The following NACAD variants were observed in gnomAD, a reference collection of about 807,000 sequenced individuals.
NACAD encodes the protein NAC-alpha domain-containing protein 1.
NACAD carries 47 observed loss-of-function variants against 98.9 expected under a neutral mutation model. That is an observed-to-expected ratio of 0.48 (90% CI 0.38 to 0.61). The LOEUF (loss-of-function observed/expected upper bound fraction) is 0.61, where lower values mean the gene tolerates loss of function less well. NACAD is among the 20% of genes least tolerant of loss of function. The pLI is 0.00. For synonymous variants in NACAD, 696 were observed against 767.2 expected, an observed-to-expected ratio of 0.91 and a Z score of 1.53; for missense variants, 1,412 against 1,748.2, an observed-to-expected ratio of 0.81 and a Z score of 3.43.
chr7:45,082,920 A>G lies in NACAD; in HGVS notation c.3260T>C (p.Leu1087Pro). ...TGACCTGGGTCCATGTTCCTGTGCC[A>G]GTGGCTTCAGGCCTCCTTCCTGCTG... is the stretch of plus-strand genomic sequence containing the variant. ...ENQQEGGLKP[L>P]AQEHGPRSAL... Residue 1087 changes from leucine (L) to proline (P), a missense_variant, in exon 2 of 8, where the codon CTG becomes CCG. Physicochemically the swap from Leu to Pro is moderately conservative, Grantham distance 98. Transcript: ENST00000490531. The surrounding 1 kb of genome is among the most constrained non-coding windows in gnomAD (Gnocchi z 4.5). 6.4e-7 allele frequency: 1 copy of G among 1,551,090 alleles called. No individual in the cohort carries two copies. The highest frequency in any genetic ancestry group is 1.2e-5 in the South Asian group (1 of 84,062).
In NACAD at chr7:45,088,132, C is replaced by T. The variant is rs1784549251; in HGVS notation, c.67+696G>A. ...TTGGCCCTACCCACACATGGCTGAC[C>T]TCCACGCCAGGACTGTCCAGGCTCG... On this transcript the variant is annotated intron_variant, in intron 1 of 7. Coordinates refer to ENST00000490531, the MANE Select transcript of NACAD (RefSeq NM_001146334.2). This position sits in a 1 kb window ranked among gnomAD's most constrained non-coding sequence, Gnocchi z 5.7. Among the ~76,000 whole-genome samples the T allele has an allele frequency of 6.6e-6, 1 of 152,188 alleles. No individual in the cohort carries two copies. Among genetic ancestry groups the T allele is most frequent in the Non-Finnish European group, 1.5e-5 (1 of 68,018 alleles).
Position 45,085,595 on chromosome 7 carries a change from C to T in NACAD, c.585G>A (p.Gly195=), listed in dbSNP as rs1784508359. The T allele has an allele frequency of 1.3e-6, 2 of 1,549,766 alleles. No homozygotes were observed. The highest frequency in any genetic ancestry group is 2.0e-5 in the Admixed American group (1 of 50,878). ...YALLPACGPH[G]DARDSEAELR... ...GCTCAGCCTCTGAGTCCCTGGCGTC[C>T]CCGTGGGGCCCACAGGCAGGAAGCA... The change falls in exon 2 of 8, where the codon GGG becomes GGA. Residue 195 remains glycine (G), a synonymous_variant. Coordinates refer to ENST00000490531, the MANE Select transcript of NACAD (RefSeq NM_001146334.2). This position sits in a 1 kb window ranked among gnomAD's most constrained non-coding sequence, Gnocchi z 6.1.
Position 45,088,848 on chromosome 7 carries a change from T to G in NACAD, c.47A>C (p.Asp16Ala). 6.7e-7 allele frequency: 1 copy of G among 1,491,650 alleles called. No individual in the cohort carries two copies. Among genetic ancestry groups the G allele is most frequent in the South Asian group, 1.2e-5 (1 of 80,078 alleles). The allele number at this position is 1,491,650 out of a possible 1,614,324, so 92.4% of individuals were successfully genotyped here. Residue 16 changes from aspartate (D) to alanine (A), a missense_variant, in exon 1 of 8, where the codon GAC (aspartate) becomes GCC (alanine). Physicochemically the swap from Asp to Ala is moderately radical, Grantham distance 126. Transcript: ENST00000490531. This position sits in a 1 kb window ranked among gnomAD's most constrained non-coding sequence, Gnocchi z 5.7. The part of the protein sequence containing the change: ...ARAELLLPEA[D>A]RPGPRTDLSC... ...CTCACCTGTGCGGGGCCCGGGTCGG[T>G]CCGCCTCGGGCAGCAGCAGCTCGGC...
chr7:45,087,263 A>G (rs995251323), intron 1 of NACAD, among the ~76,000 whole-genome samples: 11 of 152,186 alleles, frequency 7.2e-5, no homozygotes, highest in Non-Finnish European at 1.2e-4. Context: ...TCAGTTTTGA[A>G]TCTAGCTATT....
rs142002476 is a variant in NACAD at position 45,088,616 on chromosome 7, C to A, written c.67+212G>T. On this transcript the variant is annotated intron_variant, in intron 1 of 7. Transcript: ENST00000490531. This position sits in a 1 kb window ranked among gnomAD's most constrained non-coding sequence, Gnocchi z 5.7. ...AAGCCCCCACGTTCTTTCTGGCTCG[C>A]GGCGGGCACTTCGTGCGCCCCACCT... Among the ~76,000 whole-genome samples the A allele has an allele frequency of 6.0e-3, 907 of 152,148 alleles. 7 individuals are homozygous for A. The highest frequency in any genetic ancestry group is 0.02 in the African/African-American group (850 of 41,536).
At position 45,083,539 on chromosome 7, in the gene NACAD, C is replaced by T. The variant is rs1410988909; in HGVS notation, c.2641G>A (p.Ala881Thr). The part of the protein sequence containing the change: ...EEGLTLPQDS[A>T]MTPPLPLQDT... Reference sequence around the variant, plus strand: ...TGTAGGGGCAGAGGCGGTGTCATAGCGGAGTCCTGGGGTAAGGTGAGGCCC... The same window carrying T: ...TGTAGGGGCAGAGGCGGTGTCATAGTGGAGTCCTGGGGTAAGGTGAGGCCC... Residue 881 changes from alanine (A) to threonine (T), a missense_variant, in exon 2 of 8, where the codon GCT becomes ACT. Ala to Thr is a moderately conservative substitution (Grantham distance 58, BLOSUM62 0). Transcript: ENST00000490531. The T allele has an allele frequency of 4.1e-6, 4 of 984,872 alleles. No homozygotes were observed. The highest frequency in any genetic ancestry group is 5.5e-6 in the Non-Finnish European group (4 of 731,234). The allele number at this position is 984,872 out of a possible 1,614,324, so 61.0% of individuals were successfully genotyped here. A position where few individuals can be genotyped will look rare whatever the true frequency, so the allele number is the denominator to read the frequency against.
At chr7:45,087,453 C>T (rs374539254) in intron 1 of NACAD, among the ~76,000 whole-genome samples, 1 of 152,240 alleles carries the variant, frequency 6.6e-6, no homozygotes, top group Non-Finnish European at 1.5e-5. Context: ...GGTGGGGGAG[C>T]GGCGGCACAC....
chr7:45,085,109 C>G lies in NACAD; in HGVS notation c.1071G>C (p.Thr357=). The G allele has an allele frequency of 7.1e-6, 11 of 1,550,908 alleles. No individual in the cohort carries two copies. The highest frequency in any genetic ancestry group is 9.6e-6 in the Non-Finnish European group (11 of 1,146,858). ...DLAGEGEEDS[T]SASFLQSLSD... ...ACAGTGACTGCAGGAAGGAGGCAGA[C>G]GTGCTGTCCTCCTCACCCTCCCCAG... Residue 357 remains threonine, a synonymous_variant, in exon 2 of 8, where the codon ACG becomes ACC. Coordinates refer to ENST00000490531, the MANE Select transcript of NACAD (RefSeq NM_001146334.2). This position sits in a 1 kb window ranked among gnomAD's most constrained non-coding sequence, Gnocchi z 6.1.
At chr7:45,086,236 GA>G in intron 1 of NACAD, 124 bp from the exon 2 acceptor site, 1 of 1,045,312 alleles carries the variant, frequency 9.6e-7, no homozygotes, top group South Asian at 1.6e-5. Context: ...AGGCAGGAGA[GA>G]AAAGAGAAGA....
rs1303158224 is a variant in NACAD at position 45,085,905 on chromosome 7, C to T, written c.275G>A (p.Ser92Asn). ...AWADPGEGGP[S>N]PMLLPEGLSS... ...CAGGCCCTCAGGGAGGAGCATGGGG[C>T]TTGGGCCGCCCTCCCCTGGGTCCGC... Residue 92 changes from serine (S) to asparagine (N), a missense_variant, in exon 2 of 8, where the codon AGC becomes AAC. By Grantham distance (46) the Ser-to-Asn change is conservative. This residue lies in a region of NACAD where 638 missense variants were observed against 722.7 expected (regional missense o/e 0.88). Coordinates refer to ENST00000490531, the MANE Select transcript of NACAD (RefSeq NM_001146334.2). The surrounding 1 kb of genome is among the most constrained non-coding windows in gnomAD (Gnocchi z 6.1). 3.2e-6 allele frequency: 5 copies of T among 1,546,498 alleles called. No individual in the cohort carries two copies. Among genetic ancestry groups the T allele is most frequent in the African/African-American group, 2.7e-5 (2 of 72,974 alleles).
rs1784486361 is a variant in NACAD at position 45,084,812 on chromosome 7, G to A, written c.1368C>T (p.Ala456=). ...TCAATTCCTGTCTCTGGGACAGATA[G>A]GCCCCTCTGTCTGAGGTCTGAGGAG... ...EAAPQTSDRG[A]YLSQRQELIS... Residue 456 remains alanine, a synonymous_variant, in exon 2 of 8, where the codon GCC becomes GCT. Coordinates refer to ENST00000490531, the MANE Select transcript of NACAD (RefSeq NM_001146334.2). 1.3e-6 allele frequency: 2 copies of A among 1,550,832 alleles called. No homozygotes were observed. The highest frequency in any genetic ancestry group is 1.7e-6 in the Non-Finnish European group (2 of 1,146,920).
At position 45,081,683 on chromosome 7, in the gene NACAD, G is replaced by GT. The variant is rs1351708554; in HGVS notation, c.4186-12dup. 14 of 1,551,410 alleles carry GT rather than the reference G, an allele frequency of 9.0e-6. No homozygotes were observed. In the South Asian group the frequency reaches 1.4e-4, roughly 16 times the overall value. On this transcript the variant is annotated splice_polypyrimidine_tract_variant and intron_variant, in intron 3 of 7. Coordinates refer to ENST00000490531, the MANE Select transcript of NACAD (RefSeq NM_001146334.2). ...GCCGCCTGCTGGGGCCTGAGAAAAG[G>GT]TGAGGGCTGAGCATCCATGGGTGGG...
In NACAD at chr7:45,085,851, G is replaced by A; in HGVS notation, c.329C>T (p.Pro110Leu). 1 of 1,544,290 alleles carries A rather than the reference G, an allele frequency of 6.5e-7. No individual in the cohort carries two copies. Among genetic ancestry groups the A allele is most frequent in the Non-Finnish European group, 8.7e-7 (1 of 1,144,230 alleles). Residue 110 changes from proline (P) to leucine (L), a missense_variant, in exon 2 of 8, where the codon CCT (proline) becomes CTT (leucine). Coordinates refer to ENST00000490531, the MANE Select transcript of NACAD (RefSeq NM_001146334.2). This position sits in a 1 kb window ranked among gnomAD's most constrained non-coding sequence, Gnocchi z 6.1. ...LSSQALSTEA[P>L]LPATLEPRIV... is the part of the protein sequence containing the mutation. ...CCGGGGCTCCAGGGTGGCCGGGAGA[G>A]GAGCCTCCGTGGACAGAGCCTGGGA...
intron 6 of NACAD, 26 bp from the exon 7 acceptor site, chr7:45,080,788 G>T: frequency 1.9e-6 from 3 of 1,550,082 alleles, no homozygotes; most frequent in Non-Finnish European, 2.6e-6. Context: ...CAGGGAAGTG[G>T]CTGGAGCTGC....
In NACAD at chr7:45,081,194, T is replaced by A; in HGVS notation, c.4327A>T (p.Ile1443Phe). 1 of 1,551,482 alleles carries A rather than the reference T, an allele frequency of 6.4e-7. No homozygotes were observed. The highest frequency in any genetic ancestry group is 8.7e-7 in the Non-Finnish European group (1 of 1,146,996). ...TRITIQKSKN[I>F]LFVIAKPDVF... ...TCAGGCTTGGCGATGACAAAGAGGA[T>A]GTTCTTGGACTTCTGGATGGTGATC... Residue 1443 changes from isoleucine to phenylalanine, a missense_variant, in exon 5 of 8, where the codon ATC becomes TTC. Ile to Phe is a conservative substitution (Grantham distance 21). Transcript: ENST00000490531.
chr7:45,082,264 G>A lies in NACAD; in HGVS notation c.3916C>T (p.Leu1306Phe). The A allele has an allele frequency of 6.4e-7, 1 of 1,550,630 alleles. No individual in the cohort carries two copies. Among genetic ancestry groups the A allele is most frequent in the Non-Finnish European group, 8.7e-7 (1 of 1,146,898 alleles). ...TCCATGGAGGCCACCTTGGGGCTGA[G>A]GAGTGGGGAGTGAGGCGAGAGGCTG... ...RVSLSPHSPL[L>F]SPKVASMDAK... Residue 1306 changes from leucine (L) to phenylalanine (F), a missense_variant, in exon 2 of 8, where the codon CTC becomes TTC. By Grantham distance (22) the Leu-to-Phe change is conservative. This residue lies in a region of NACAD where 572 missense variants were observed against 639.6 expected (regional missense o/e 0.89). Coordinates refer to ENST00000490531, the MANE Select transcript of NACAD (RefSeq NM_001146334.2). This position sits in a 1 kb window ranked among gnomAD's most constrained non-coding sequence, Gnocchi z 4.5.
chr7:45,082,114 C>T lies in NACAD; in HGVS notation c.4066G>A (p.Glu1356Lys). 1 of 1,470,570 alleles carries T rather than the reference C, an allele frequency of 6.8e-7. No homozygotes were observed. The highest frequency in any genetic ancestry group is 2.5e-5 in the East Asian group (1 of 40,352). 91.1% of individuals were successfully genotyped at this position (1,470,570 alleles called of 1,614,324 possible). A position where few individuals can be genotyped will look rare whatever the true frequency, so the allele number is the denominator to read the frequency against. ...CTCCCACCCTCTGCCTTACCTTCCTCCAGGCTGTCCTCATCCTCTTGCTGC... is the reference window on the plus strand; with the variant it reads ...CTCCCACCCTCTGCCTTACCTTCCTTCAGGCTGTCCTCATCCTCTTGCTGC... Reference protein sequence around the residue: ...PEQQEDEDSLEEDSPRALGSG... With the variant: ...PEQQEDEDSLKEDSPRALGSG... The change falls in exon 2 of 8, where the codon GAG becomes AAG. Residue 1356 changes from glutamate (E) to lysine (K), a missense_variant. By Grantham distance (56) the Glu-to-Lys change is moderately conservative. This residue lies in a region of NACAD where 572 missense variants were observed against 639.6 expected (regional missense o/e 0.89). Coordinates refer to ENST00000490531, the MANE Select transcript of NACAD (RefSeq NM_001146334.2). This position sits in a 1 kb window ranked among gnomAD's most constrained non-coding sequence, Gnocchi z 4.5.
rs1742904765 is a variant in NACAD, at chr7:45,084,516, A to G, written c.1664T>C (p.Leu555Pro). ...KLPTPQEETS[L>P]TLCPDSPQNL... ...CTGAGGAGAGTCTGGACACAATGTG[A>G]GGCTTGTTTCTTCCTGTGGAGTTGG... Residue 555 changes from leucine (L) to proline (P), a missense_variant, in exon 2 of 8, where the codon CTC becomes CCC. Physicochemically the swap from Leu to Pro is moderately conservative, Grantham distance 98. This residue lies in a region of NACAD where 638 missense variants were observed against 722.7 expected (regional missense o/e 0.88). Transcript: ENST00000490531. 1 of 1,552,082 alleles carries G rather than the reference A, an allele frequency of 6.4e-7. No homozygotes were observed. Among genetic ancestry groups the G allele is most frequent in the Admixed American group, 2.0e-5 (1 of 50,998 alleles).
At position 45,085,356 on chromosome 7, in the gene NACAD, G is replaced by A. The variant is rs1432026983; in HGVS notation, c.824C>T (p.Ser275Phe). The stretch of plus-strand genomic sequence containing the variant: ...GTCTGCAGAGAGGCTGGACTCAGAG[G>A]ACGGGGGCTCTGGGGTCCCTGCTGG... The part of the protein sequence containing the change: ...LHPAGTPEPP[S>F]SESSLSADSS... Residue 275 changes from serine to phenylalanine, a missense_variant, in exon 2 of 8, where the codon TCC becomes TTC. Transcript: ENST00000490531. The surrounding 1 kb of genome is among the most constrained non-coding windows in gnomAD (Gnocchi z 6.1). The A allele has an allele frequency of 1.3e-6, 2 of 1,550,306 alleles. No individual in the cohort carries two copies. Among genetic ancestry groups the A allele is most frequent in the Non-Finnish European group, 1.7e-6 (2 of 1,146,606 alleles).
Sources: allele counts gnomAD v4.1 joint callset (sites outside exome capture counted in the v4.1 genomes callset), GRCh38; gene constraint gnomAD v4.1.1; regional missense constraint gnomAD v4.1.1; non-coding constraint Gnocchi (gnomAD v3.1); transcripts MANE v1.5; gene names NCBI Gene and HGNC (gene_info 2026-07-23, HGNC 2026-07-21).